ARHGEF38: variants seen among roughly 807,000 people sequenced by gnomAD.
The protein encoded by ARHGEF38 is Rho guanine nucleotide exchange factor 38, also known as Rho guanine nucleotide exchange factor (GEF) 38.
In ARHGEF38, 79 loss-of-function variants were observed where a neutral mutation model predicts 79.9. That is an observed-to-expected ratio of 0.99 (90% CI 0.82 to 1.19). ARHGEF38 has a LOEUF of 1.19. Among genes scored for constraint, ARHGEF38 ranks in the 50% most tolerant of loss-of-function variants. The pLI, the probability that ARHGEF38 is intolerant of heterozygous loss-of-function variation, is 0.00. For missense variants in ARHGEF38, 962 were observed against 907.2 expected, an observed-to-expected ratio of 1.06 and a Z score of -0.78; for synonymous variants, 366 against 328.3, an observed-to-expected ratio of 1.11 and a Z score of -1.24.
intron 5 of ARHGEF38, among the ~76,000 whole-genome samples, chr4:105,642,934 C>T (rs980872544): frequency 4.0e-5 from 6 of 151,726 alleles, no homozygotes; most frequent in Non-Finnish European, 7.4e-5. Context: ...ATATGATTTC[C>T]TCTAATCAAG....
rs1489420527 is a variant in ARHGEF38, at chr4:105,645,173, T to A, written c.675-15T>A. The A allele has an allele frequency of 7.2e-7, 1 of 1,392,312 alleles. No homozygotes were observed. The allele number at this position is 1,392,312 out of a possible 1,614,324, so 86.2% of individuals were successfully genotyped here. A position where few individuals can be genotyped will look rare whatever the true frequency, so the allele number is the denominator to read the frequency against. ...CATATGTTTGTGAAACTGATATTAT[T>A]TATCTGTATTGTAGAGGCAAACCAA... On this transcript the variant is annotated splice_polypyrimidine_tract_variant and intron_variant, in intron 5 of 13. Transcript: ENST00000420470.
chr4:105,597,474 TA>T (rs1312530773), intron 2 of ARHGEF38, among the ~76,000 whole-genome samples: 4 of 152,206 alleles, frequency 2.6e-5, no homozygotes, highest in African/African-American at 9.6e-5. Context: ...TCTTTCTTTT[TA>T]AATCACCCAG....
chr4:105,590,734 GA>G (rs1420959307), intron 2 of ARHGEF38, among the ~76,000 whole-genome samples: 3 of 152,172 alleles, frequency 2.0e-5, no homozygotes, highest in Non-Finnish European at 2.9e-5. Flanking sequence ...CTGCCAAACA[GA>G]AAGTCAATAT....
chr4:105,555,370 C>G (rs558571554), intron 1 of ARHGEF38, among the ~76,000 whole-genome samples: 2 of 152,184 alleles, frequency 1.3e-5, no homozygotes, highest in South Asian at 2.1e-4. Flanking sequence ...TAGCATGGTT[C>G]GACTAGAACA....
intron 4 of ARHGEF38, among the ~76,000 whole-genome samples, chr4:105,632,257 G>A (rs1729228404): frequency 6.6e-6 from 1 of 152,086 alleles, no homozygotes; most frequent in Non-Finnish European, 1.5e-5. Flanking sequence ...TCATGCTATG[G>A]AAAAGAATTC....
At chr4:105,646,967 A>T (rs942138287) in intron 6 of ARHGEF38, among the ~76,000 whole-genome samples, 7 of 152,194 alleles carry the variant, frequency 4.6e-5, no homozygotes, top group African/African-American at 7.2e-5. Flanking sequence ...ATAGATACAG[A>T]TATTATAAGC....
chr4:105,645,198 A>C lies in ARHGEF38; in HGVS notation c.685A>C (p.Asn229His). ...KKIYMQEGKP[N>H]LLDMGSLMIK... is the part of the protein sequence containing the mutation. The stretch of plus-strand genomic sequence containing the variant: ...TTATCTGTATTGTAGAGGCAAACCA[A>C]ACTTATTGGACATGGGCTCTTTGAT... The change falls in exon 6 of 14, where the codon AAC (asparagine) becomes CAC (histidine). Residue 229 changes from asparagine (N) to histidine (H), a missense_variant. By Grantham distance (68) the Asn-to-His change is moderately conservative. Coordinates refer to ENST00000420470, the MANE Select transcript of ARHGEF38 (RefSeq NM_001242729.2). 1 of 1,512,062 alleles carries C rather than the reference A, an allele frequency of 6.6e-7. No homozygotes were observed. The highest frequency in any genetic ancestry group is 8.8e-7 in the Non-Finnish European group (1 of 1,135,328). The allele number at this position is 1,512,062 out of a possible 1,614,324, so 93.7% of individuals were successfully genotyped here.
At chr4:105,601,580 A>T (rs1378059470) in intron 2 of ARHGEF38, among the ~76,000 whole-genome samples, 1 of 152,098 alleles carries the variant, frequency 6.6e-6, no homozygotes, top group African/African-American at 2.4e-5. Flanking sequence ...GGCTGTACAG[A>T]ACACATTGTC....
rs1560684693 is a variant in ARHGEF38 at position 105,561,485 on chromosome 4, GAATA to G, written c.196+8525_196+8528del. 1.3e-4 allele frequency: 18 copies of G among 139,338 alleles called. 2 individuals are homozygous for G. In the East Asian group the frequency reaches 3.1e-3, roughly 24 times the overall value. 8.6% of individuals were successfully genotyped at this position (139,338 alleles called of 1,614,324 possible). ...GAATAGAATAGAATAGAATAGAATA[GAATA>G]GAATAGAATAGAATAGAATAGAATA... On this transcript the variant is annotated intron_variant, in intron 1 of 13. Transcript: ENST00000420470.
At chr4:105,652,789 G>A (rs902586000) in intron 7 of ARHGEF38, among the ~76,000 whole-genome samples, 1 of 152,124 alleles carries the variant, frequency 6.6e-6, no homozygotes, top group Non-Finnish European at 1.5e-5. Flanking sequence ...GCAACCCTAA[G>A]GCACAGAATG....
intron 1 of ARHGEF38, among the ~76,000 whole-genome samples, chr4:105,560,933 A>G (rs770331579): frequency 1.3e-5 from 2 of 152,184 alleles, no homozygotes; most frequent in African/African-American, 2.4e-5. Context: ...TACCTCTCTC[A>G]GATTTTATTC....
chr4:105,673,217 A>G (rs764434621), intron 13 of ARHGEF38, among the ~76,000 whole-genome samples: 13 of 152,044 alleles, frequency 8.6e-5, no homozygotes, highest in Admixed American at 2.0e-4. Flanking sequence ...AACATGTACA[A>G]TAGGGGGTGG....
At chr4:105,674,834 G>T (rs979094933) in intron 13 of ARHGEF38, among the ~76,000 whole-genome samples, 1 of 151,658 alleles carries the variant, frequency 6.6e-6, no homozygotes. Flanking sequence ...TTTATATTTC[G>T]CTTGAGAGAA....
intron 3 of ARHGEF38, among the ~76,000 whole-genome samples, chr4:105,624,262 G>A (rs1332104787): frequency 6.6e-6 from 1 of 152,174 alleles, no homozygotes; most frequent in Non-Finnish European, 1.5e-5. Flanking sequence ...AATATCAAGA[G>A]AGAAATATCA....
At chr4:105,578,454 A>G (rs1243873677) in intron 1 of ARHGEF38, among the ~76,000 whole-genome samples, 1 of 152,156 alleles carries the variant, frequency 6.6e-6, no homozygotes, top group African/African-American at 2.4e-5. Context: ...TATAGAATAT[A>G]AGTTAAGTCT....
At chr4:105,637,534 C>T (rs1157003162) in intron 5 of ARHGEF38, among the ~76,000 whole-genome samples, 1 of 152,154 alleles carries the variant, frequency 6.6e-6, no homozygotes. Flanking sequence ...CATCGGCCTC[C>T]TGGCTTCTCT....
chr4:105,611,274 A>G (rs1437360875), intron 2 of ARHGEF38, among the ~76,000 whole-genome samples: 1 of 152,248 alleles, frequency 6.6e-6, no homozygotes, highest in East Asian at 1.9e-4. Context: ...GAAATTTTAT[A>G]TATTAGAAGG....
chr4:105,554,928 T>G (rs759352519), intron 1 of ARHGEF38, among the ~76,000 whole-genome samples: 2 of 149,152 alleles, frequency 1.3e-5, no homozygotes, highest in Non-Finnish European at 3.0e-5. Flanking sequence ...GCCCATTGCT[T>G]TATCCCTAAT....
intron 1 of ARHGEF38, among the ~76,000 whole-genome samples, chr4:105,574,578 G>A (rs374604098): frequency 6.7e-5 from 10 of 149,926 alleles, no homozygotes; most frequent in African/African-American, 2.4e-4. Flanking sequence ...GAAGTGGCAA[G>A]AGCAGGCATC....
Sources: allele counts gnomAD v4.1 joint callset (sites outside exome capture counted in the v4.1 genomes callset), GRCh38; gene constraint gnomAD v4.1.1; transcripts MANE v1.5; gene names NCBI Gene and HGNC (gene_info 2026-07-23, HGNC 2026-07-21).